ADAM19: variants seen among roughly 807,000 people sequenced by gnomAD.
ADAM19 encodes the protein ADAM metallopeptidase domain 19.
A neutral mutation model predicts 114.7 loss-of-function variants in ADAM19; 65 were observed. The ratio of observed to expected loss-of-function variants is 0.57; its 90% CI spans 0.46 to 0.70. The LOEUF is 0.70. Ranked by LOEUF, ADAM19 falls within the 30% of genes least tolerant of loss-of-function variation. The pLI, the probability that ADAM19 is intolerant of heterozygous loss-of-function variation, is 0.00. For missense variants in ADAM19, 1,063 were observed against 1,204.7 expected (o/e 0.88, Z 1.74); for synonymous variants, 466 against 460.5 (o/e 1.01, Z -0.15).
chr5:157,571,283 G>A (rs1402481079), intron 1 of ADAM19, among the ~76,000 whole-genome samples: 1 of 152,172 alleles, frequency 6.6e-6, no homozygotes, highest in Non-Finnish European at 1.5e-5. Flanking sequence ...TCTATCAGGA[G>A]GTGCCTATTT....
chr5:157,552,808 A>G (rs759483906), intron 3 of ADAM19, among the ~76,000 whole-genome samples: 2 of 152,090 alleles, frequency 1.3e-5, no homozygotes, highest in Non-Finnish European at 2.9e-5. Flanking sequence ...GGATGAATGG[A>G]TAAAGAAAAT....
rs192850384 is a variant in ADAM19 at position 157,489,881 on chromosome 5, G to A, written c.2240+429C>T. On this transcript the variant is annotated intron_variant, in intron 19 of 22. Transcript: ENST00000257527. ...ATGCACCTGTAGCCCCAGCTACTCA[G>A]GACGCTGAGGCAGGAGAATCGCTTG... Among the ~76,000 whole-genome samples, 6 of 152,334 alleles carry A rather than the reference G, an allele frequency of 3.9e-5. No homozygotes were observed. The East Asian group carries it at 1.2e-3, about 29-fold the overall frequency.
intron 4 of ADAM19, among the ~76,000 whole-genome samples, chr5:157,531,541 C>T (rs1342638103): frequency 2.0e-5 from 3 of 152,074 alleles, no homozygotes; most frequent in Non-Finnish European, 4.4e-5. Flanking sequence ...GTGGTGCACA[C>T]CTATAATCCC....
In ADAM19 at chr5:157,491,676, C is replaced by T. The variant is rs1012401723; in HGVS notation, c.2034G>A (p.Pro678=). 35 of 1,578,324 alleles carry T rather than the reference C, an allele frequency of 2.2e-5. No individual in the cohort carries two copies. The East Asian group carries it at 5.2e-4, about 23-fold the overall frequency. ...CGTGGCCCGGTGTGTTGCAGAAGGG[C>T]GGGGCCCAGCCCGGCAGGCAGTGGC... ...QNCHCLPGWA[P]PFCNTPGHGG... The change falls in exon 18 of 23, where the codon CCG becomes CCA. Residue 678 remains proline (P), a synonymous_variant. Coordinates refer to ENST00000257527, the MANE Select transcript of ADAM19 (RefSeq NM_033274.5).
chr5:157,533,568 G>A (rs1756682616), intron 4 of ADAM19, among the ~76,000 whole-genome samples: 1 of 152,168 alleles, frequency 6.6e-6, no homozygotes, highest in Admixed American at 6.5e-5. Context: ...GGGAGAAGAG[G>A]GGCCGGGCCT....
chr5:157,493,268 ACAGCAGG>A (rs1299562006), intron 15 of ADAM19, 91 bp from the exon 16 acceptor site: 7 of 1,431,072 alleles, frequency 4.9e-6, no homozygotes, highest in Non-Finnish European at 4.8e-6. Flanking sequence ...CTTGATCAAG[ACAGCAGG>A]CTTGCGTGGG....
chr5:157,502,350 A>G (rs1370957915), intron 12 of ADAM19, among the ~76,000 whole-genome samples: 1 of 152,168 alleles, frequency 6.6e-6, no homozygotes, highest in African/African-American at 2.4e-5. Flanking sequence ...ACTTGACAGC[A>G]CTTCCTACAT....
chr5:157,478,817 T>G lies in ADAM19; in HGVS notation c.*2132A>C. On this transcript the variant is annotated 3_prime_UTR_variant, in exon 23 of 23. Transcript: ENST00000257527. The stretch of plus-strand genomic sequence containing the variant: ...CGACAACCCAGGTCTCTTTCTGGTG[T>G]GGTTCCAGGGAGGGTGGACTGCAGG... 2.0e-6 allele frequency: 2 copies of G among 985,828 alleles called. No individual in the cohort carries two copies. The highest frequency in any genetic ancestry group is 2.4e-6 in the Non-Finnish European group (2 of 829,956). The allele number at this position is 985,828 out of a possible 1,614,324, so 61.1% of individuals were successfully genotyped here.
At chr5:157,518,989 T>G (rs547705031) in intron 6 of ADAM19, 101 bp from the exon 7 acceptor site, 1 of 964,164 alleles carries the variant, frequency 1.0e-6, no homozygotes, top group African/African-American at 1.6e-5. Context: ...AGCAGCTACC[T>G]CCGTAATGAT....
At chr5:157,519,024 T>C (rs1427265803) in intron 6 of ADAM19, 136 bp from the exon 7 acceptor site, 1 of 739,784 alleles carries the variant, frequency 1.4e-6, no homozygotes, top group African/African-American at 1.8e-5. Flanking sequence ...CTAGAGATGT[T>C]CTTGGCTGTG....
intron 3 of ADAM19, among the ~76,000 whole-genome samples, chr5:157,560,264 C>CAAAAAAAAAAA (rs35731498): frequency 1.2e-4 from 6 of 51,708 alleles, no homozygotes; most frequent in African/African-American, 3.8e-4. Flanking sequence ...GACTCCGTCT[C>CAAAAAAAAAAA]AAAAAAAAAA....
At chr5:157,482,036 A>G (rs1754770178) in intron 21 of ADAM19, 93 bp from the exon 22 acceptor site, 2 of 1,022,336 alleles carry the variant, frequency 2.0e-6, no homozygotes, top group South Asian at 1.7e-5. Context: ...CAGATAGATA[A>G]AAGTTATATA....
intron 21 of ADAM19, among the ~76,000 whole-genome samples, chr5:157,483,974 C>T (rs1004672091): frequency 4.0e-5 from 6 of 149,814 alleles, no homozygotes; most frequent in Non-Finnish European, 8.9e-5. Flanking sequence ...AGAGCATGTA[C>T]GTGTATTGCC....
intron 1 of ADAM19, among the ~76,000 whole-genome samples, chr5:157,572,825 G>A (rs750143058): frequency 4.6e-5 from 7 of 152,136 alleles, no homozygotes; most frequent in South Asian, 4.1e-4. Flanking sequence ...CGAGGTGGGC[G>A]GATCACCTGA....
In ADAM19 at chr5:157,480,775, A is replaced by G; in HGVS notation, c.*174T>C. 6.9e-7 allele frequency: 1 copy of G among 1,446,760 alleles called. No homozygotes were observed. The highest frequency in any genetic ancestry group is 2.5e-5 in the East Asian group (1 of 39,888). 89.6% of individuals were successfully genotyped at this position (1,446,760 alleles called of 1,614,324 possible). A position where few individuals can be genotyped will look rare whatever the true frequency, so the allele number is the denominator to read the frequency against. ...AGATCATAGTCCCTCTGGGCTTCCA[A>G]GGAAGCCGAGGAGGCACTGAGTCAA... is the stretch of plus-strand genomic sequence containing the variant. On this transcript the variant is annotated 3_prime_UTR_variant, in exon 23 of 23. Coordinates refer to ENST00000257527, the MANE Select transcript of ADAM19 (RefSeq NM_033274.5).
intron 11 of ADAM19, among the ~76,000 whole-genome samples, chr5:157,503,285 T>C (rs888764175): frequency 6.6e-6 from 1 of 152,160 alleles, no homozygotes; most frequent in South Asian, 2.1e-4. Flanking sequence ...AGGTGGGAAC[T>C]GAACAATGAG....
intron 3 of ADAM19, among the ~76,000 whole-genome samples, chr5:157,539,353 G>T (rs1443333147): frequency 6.6e-6 from 1 of 152,130 alleles, no homozygotes; most frequent in African/African-American, 2.4e-5. Context: ...GTAGGCTGAG[G>T]CCAGCACAGA....
intron 3 of ADAM19, among the ~76,000 whole-genome samples, chr5:157,551,528 T>C (rs544155798): frequency 8.1e-5 from 12 of 147,604 alleles, no homozygotes; most frequent in African/African-American, 2.8e-4. Flanking sequence ...TCTTGAGCAA[T>C]ACCCCACAAG....
rs150737022 is a variant in ADAM19 at position 157,532,325 on chromosome 5, A to G, written c.331-1442T>C. On this transcript the variant is annotated intron_variant, in intron 4 of 22. Transcript: ENST00000257527. ...GCAGTCATTAATGAGAAATCCAAACAGATATAATTACAAACCAAAAGAAGG... is the reference window on the plus strand; with the variant it reads ...GCAGTCATTAATGAGAAATCCAAACGGATATAATTACAAACCAAAAGAAGG... Among the ~76,000 whole-genome samples, 111 of 152,362 alleles carry G rather than the reference A, an allele frequency of 7.3e-4. 2 individuals are homozygous for G. The East Asian group carries it at 0.021, about 28-fold the overall frequency.
Sources: gnomAD v4.1 joint callset for allele counts (sites outside exome capture counted in the v4.1 genomes callset) on GRCh38, gnomAD v4.1.1 for gene constraint, MANE v1.5 for transcripts, NCBI Gene and HGNC (gene_info 2026-07-23, HGNC 2026-07-21) for gene names.